FDFT1: variants seen among roughly 807,000 people sequenced by gnomAD.
The protein encoded by FDFT1 is squalene synthase.
A neutral mutation model predicts 46.8 loss-of-function variants in FDFT1; 68 were observed. That is an observed-to-expected ratio of 1.45 (90% CI 1.19 to 1.78). The LOEUF (loss-of-function observed/expected upper bound fraction) is 1.78. Among genes scored for constraint, FDFT1 ranks in the 40% most tolerant of loss-of-function variants. FDFT1 has a pLI of 0.00. For missense variants in FDFT1, 928 were observed against 524.4 expected, an observed-to-expected ratio of 1.77 and a Z score of -7.52; for synonymous variants, 351 against 185.1, an observed-to-expected ratio of 1.90 and a Z score of -7.28.
intron 4 of FDFT1, among the ~76,000 whole-genome samples, chr8:11,823,633 G>A (rs982746883): frequency 6.6e-6 from 1 of 151,970 alleles, no homozygotes; most frequent in African/African-American, 2.4e-5. Context: ...GGAATGCAGT[G>A]GCACAGACAA....
intron 1 of FDFT1, among the ~76,000 whole-genome samples, chr8:11,796,334 C>T (rs1229404210): frequency 6.6e-6 from 1 of 152,136 alleles, no homozygotes. Flanking sequence ...ACTGTGTAGG[C>T]CCAGCCCTTG....
At chr8:11,804,553 A>G (rs1156508455) in intron 1 of FDFT1, among the ~76,000 whole-genome samples, 2 of 151,880 alleles carry the variant, frequency 1.3e-5, no homozygotes, top group Admixed American at 1.3e-4. Flanking sequence ...TAGGGGAAAT[A>G]AATTGGAAAA....
chr8:11,825,183 C>T (rs900394426), intron 4 of FDFT1, among the ~76,000 whole-genome samples: 1 of 152,122 alleles, frequency 6.6e-6, no homozygotes, highest in African/African-American at 2.4e-5. Context: ...GTCCTAGTTC[C>T]TGTTACCAGA....
upstream of FDFT1, chr8:11,801,691 G>C (rs1443520301): frequency 1.4e-5 from 4 of 277,372 alleles, no homozygotes; most frequent in Admixed American, 1.3e-4. Context: ...TAGGTAGCCA[G>C]TAGGTTTTTT....
At chr8:11,803,561 T>A in intron 1 of FDFT1, 1 of 1,014,400 alleles carries the variant, frequency 9.9e-7, no homozygotes, top group African/African-American at 1.7e-5. Flanking sequence ...GCCTCATGCC[T>A]GTACTATTTG....
rs927119286 is a variant in FDFT1 at position 11,838,686 on chromosome 8, C to G, written c.*77C>G. On this transcript the variant is annotated 3_prime_UTR_variant, in exon 8 of 8. Coordinates refer to ENST00000220584, the MANE Select transcript of FDFT1 (RefSeq NM_004462.5). ...TCTTTAAGGATGGATGTTGTGTTCT[C>G]TTTATTTTTTTCCTACTACTTTAAT... 9.4e-6 allele frequency: 11 copies of G among 1,172,064 alleles called. No homozygotes were observed. Among genetic ancestry groups the G allele is most frequent in the South Asian group, 6.3e-5 (5 of 79,862 alleles). The allele number at this position is 1,172,064 out of a possible 1,614,324, so 72.6% of individuals were successfully genotyped here.
intron 3 of FDFT1, among the ~76,000 whole-genome samples, chr8:11,817,367 G>C (rs1024379390): frequency 1.1e-4 from 16 of 152,002 alleles, no homozygotes; most frequent in African/African-American, 3.9e-4. Flanking sequence ...TTGGTATCAG[G>C]ATGATGCTGG....
At chr8:11,809,008 A>T (rs1807322102) in intron 2 of FDFT1, 117 bp downstream of exon 2, 24 of 1,457,172 alleles carry the variant, frequency 1.6e-5, no homozygotes, top group Non-Finnish European at 1.8e-5. Flanking sequence ...GCTGTGGCTT[A>T]TCCAGAACAT....
At chr8:11,807,409 C>T (rs557514860) in intron 1 of FDFT1, among the ~76,000 whole-genome samples, 2 of 152,286 alleles carry the variant, frequency 1.3e-5, no homozygotes, top group Non-Finnish European at 2.9e-5. Flanking sequence ...GTGATTCTCC[C>T]ACCTTGGCCT....
intron 3 of FDFT1, among the ~76,000 whole-genome samples, chr8:11,816,806 C>A (rs979066105): frequency 6.6e-6 from 1 of 152,186 alleles, no homozygotes; most frequent in Non-Finnish European, 1.5e-5. Context: ...ACAATCATGT[C>A]ATTTGCAAAC....
intron 3 of FDFT1, 22 bp from the exon 4 acceptor site, chr8:11,821,728 G>GT (rs1563322464): frequency 6.2e-7 from 1 of 1,611,434 alleles, no homozygotes; most frequent in Non-Finnish European, 8.5e-7. Context: ...TGATTTCTGT[G>GT]TTTTTACGGT....
intron 7 of FDFT1, among the ~76,000 whole-genome samples, chr8:11,835,607 A>T (rs142944590): frequency 1.6e-3 from 246 of 152,288 alleles, no homozygotes; most frequent in African/African-American, 5.6e-3. Flanking sequence ...CCAGCGATTG[A>T]TTCCAAATAA....
intron 6 of FDFT1, among the ~76,000 whole-genome samples, chr8:11,831,317 G>C (rs947616123): frequency 6.6e-6 from 1 of 152,206 alleles, no homozygotes; most frequent in Non-Finnish European, 1.5e-5. Context: ...TTAATTCTGT[G>C]TGTTGTTGAG....
intron 4 of FDFT1, among the ~76,000 whole-genome samples, chr8:11,822,792 G>T (rs990998008): frequency 3.7e-4 from 57 of 152,118 alleles, no homozygotes; most frequent in African/African-American, 1.3e-3. Flanking sequence ...CTCCAACGTG[G>T]GTGACAGAGC....
intron 1 of FDFT1, among the ~76,000 whole-genome samples, chr8:11,806,140 C>A (rs945969468): frequency 2.0e-5 from 3 of 152,150 alleles, no homozygotes; most frequent in Non-Finnish European, 4.4e-5. Flanking sequence ...GGAGCCCCTT[C>A]CTGGGAGTCT....
chr8:11,804,531 T>G (rs767721624), intron 1 of FDFT1, among the ~76,000 whole-genome samples: 8 of 151,858 alleles, frequency 5.3e-5, no homozygotes, highest in Non-Finnish European at 8.8e-5. Context: ...AAAAAATACC[T>G]GAACCTTTAA....
upstream of FDFT1, among the ~76,000 whole-genome samples, chr8:11,798,722 C>T (rs1585826588): frequency 6.6e-6 from 1 of 152,144 alleles, no homozygotes; most frequent in African/African-American, 2.4e-5. Context: ...CAGCTCAATT[C>T]AATAAATACT....
rs540703671 is a variant in FDFT1 at position 11,838,917 on chromosome 8, T to A, written c.*308T>A. The A allele has an allele frequency of 2.2e-5, 8 of 363,864 alleles. No individual in the cohort carries two copies. The highest frequency in any genetic ancestry group is 6.4e-5 in the African/African-American group (3 of 47,008). 22.5% of individuals were successfully genotyped at this position (363,864 alleles called of 1,614,324 possible). ...TATGTGACTGTCATGAGATCCTACTTAGTATGATCCTGGCTAGAATGATAA... is the reference window on the plus strand; with the variant it reads ...TATGTGACTGTCATGAGATCCTACTAAGTATGATCCTGGCTAGAATGATAA... On this transcript the variant is annotated 3_prime_UTR_variant, in exon 8 of 8. Coordinates refer to ENST00000220584, the MANE Select transcript of FDFT1 (RefSeq NM_004462.5).
intron 3 of FDFT1, among the ~76,000 whole-genome samples, chr8:11,819,381 T>C (rs988201462): frequency 1.4e-4 from 22 of 152,318 alleles, no homozygotes; most frequent in African/African-American, 4.8e-4. Flanking sequence ...TTTCCTGAAT[T>C]TGAATGTTGA....
Sources: allele counts gnomAD v4.1 joint callset (sites outside exome capture counted in the v4.1 genomes callset), GRCh38; gene constraint gnomAD v4.1.1; transcripts MANE v1.5; gene names NCBI Gene and HGNC (gene_info 2026-07-23, HGNC 2026-07-21).